GABRA5: variants seen among roughly 807,000 people sequenced by gnomAD.
GABRA5 encodes the protein gamma-aminobutyric acid type A receptor subunit alpha5.
Under a neutral mutation model 47.3 loss-of-function variants are expected in GABRA5, and 18 were observed. That is an observed-to-expected ratio of 0.38 (90% CI 0.26 to 0.56). The LOEUF (loss-of-function observed/expected upper bound fraction) is 0.56, where lower values mean the gene tolerates loss of function less well. GABRA5 is among the 20% of genes least tolerant of loss of function. The probability of loss-of-function intolerance (pLI) is 0.71; values close to 1 mark genes in which losing one functional copy is unlikely to be tolerated. For synonymous variants in GABRA5, 237 were observed against 229.3 expected (o/e 1.03, Z -0.30); for missense variants, 365 against 599.3 (o/e 0.61, Z 4.08).
At chr15:26,870,408 T>A (rs566576887) in intron 3 of GABRA5, among the ~76,000 whole-genome samples, 3 of 152,292 alleles carry the variant, frequency 2.0e-5, no homozygotes, top group African/African-American at 7.2e-5. Flanking sequence ...TTAGTCCACA[T>A]CCACCCCGGG....
intron 3 of GABRA5, among the ~76,000 whole-genome samples, chr15:26,879,712 G>A (rs1008907426): frequency 2.0e-5 from 3 of 152,058 alleles, no homozygotes; most frequent in African/African-American, 4.8e-5. Context: ...GGCCTGCATC[G>A]ATTCTGACCT....
chr15:26,882,584 GA>G (rs1300297228), intron 4 of GABRA5, among the ~76,000 whole-genome samples: 3 of 152,262 alleles, frequency 2.0e-5, no homozygotes, highest in Non-Finnish European at 4.4e-5. Context: ...AATTTTGTTT[GA>G]AATCACAGTC....
chr15:26,883,576 C>CGGGGGGGGGGGG lies in GABRA5; in HGVS notation c.497+22_497+23insGGGGGGGGGGGG. 6.1e-6 allele frequency: 3 copies of CGGGGGGGGGGGG among 495,468 alleles called. No individual in the cohort carries two copies. Among genetic ancestry groups the CGGGGGGGGGGGG allele is most frequent in the Non-Finnish European group, 7.5e-6 (2 of 266,040 alleles). 30.7% of individuals were successfully genotyped at this position (495,468 alleles called of 1,614,324 possible). ...CCATGCGGTGAGCGCCGGGCGGGGG[C>CGGGGGGGGGGGG]GGGCGGGGCCGGGGGACGGTGCGGG... On this transcript the variant is annotated intron_variant, in intron 6 of 10. Coordinates refer to ENST00000335625, the MANE Select transcript of GABRA5 (RefSeq NM_000810.4). The surrounding 1 kb of genome is among the most constrained non-coding windows in gnomAD (Gnocchi z 4.8).
intron 6 of GABRA5, among the ~76,000 whole-genome samples, chr15:26,899,450 G>A (rs1893274447): frequency 6.6e-6 from 1 of 152,098 alleles, no homozygotes; most frequent in Admixed American, 6.5e-5. Context: ...TGCCTGTTAA[G>A]TCCATTTGCT....
At chr15:26,921,473 T>C (rs1893841157) in intron 7 of GABRA5, among the ~76,000 whole-genome samples, 1 of 152,168 alleles carries the variant, frequency 6.6e-6, no homozygotes, top group African/African-American at 2.4e-5. Flanking sequence ...ATTTCTGACG[T>C]TGGTAATTTG....
chr15:26,893,496 G>A (rs1380330462), intron 6 of GABRA5, among the ~76,000 whole-genome samples: 4 of 16,816 alleles, frequency 2.4e-4, no homozygotes, highest in Non-Finnish European at 5.8e-4. Flanking sequence ...CACGGCCTGG[G>A]CCTGGACCTC....
intron 6 of GABRA5, among the ~76,000 whole-genome samples, chr15:26,894,676 T>C (rs1893135169): frequency 1.3e-5 from 2 of 152,136 alleles, no homozygotes; most frequent in Admixed American, 6.5e-5. Context: ...GTCCTGGCTC[T>C]AGGAATGATG....
chr15:26,877,732 T>C, intron 3 of GABRA5: 2 of 452,146 alleles, frequency 4.4e-6, no homozygotes, highest in Non-Finnish European at 8.9e-6. Flanking sequence ...ACTGAGAATA[T>C]GGCATAAGTG....
intron 6 of GABRA5, among the ~76,000 whole-genome samples, chr15:26,905,622 C>G (rs1307171539): frequency 6.6e-6 from 1 of 151,744 alleles, no homozygotes; most frequent in Admixed American, 6.6e-5. Flanking sequence ...TCATTTGATA[C>G]TGTTGATGGT....
chr15:26,924,587 C>T (rs927861509), intron 7 of GABRA5, among the ~76,000 whole-genome samples: 1 of 152,168 alleles, frequency 6.6e-6, no homozygotes, highest in African/African-American at 2.4e-5. Context: ...GAATCAACGT[C>T]CTGGCCCCCT....
At chr15:26,920,005 G>A (rs1177991913) in intron 7 of GABRA5, among the ~76,000 whole-genome samples, 1 of 151,616 alleles carries the variant, frequency 6.6e-6, no homozygotes, top group Non-Finnish European at 1.5e-5. Flanking sequence ...ATAACAACTG[G>A]CTTCTCTCTG....
Position 26,941,237 on chromosome 15 carries a change from A to G in GABRA5, c.877+1160A>G, listed in dbSNP as rs1894376742. Reference sequence around the variant, plus strand: ...CTCCCCAAGTTAATGTGCCTGATGAACTCTTTAGGGGAAATTTAGCTGGTA... The same window carrying G: ...CTCCCCAAGTTAATGTGCCTGATGAGCTCTTTAGGGGAAATTTAGCTGGTA... On this transcript the variant is annotated intron_variant, in intron 9 of 10. Transcript: ENST00000335625. Among the ~76,000 whole-genome samples the G allele has an allele frequency of 2.6e-5, 4 of 152,056 alleles. No individual in the cohort carries two copies. In the South Asian group the frequency reaches 8.3e-4, roughly 32 times the overall value.
At chr15:26,870,952 G>A (rs553734695) in intron 3 of GABRA5, among the ~76,000 whole-genome samples, 1 of 152,322 alleles carries the variant, frequency 6.6e-6, no homozygotes, top group South Asian at 2.1e-4. Context: ...AGCACTTTGG[G>A]AGGCCAAGCG....
intron 6 of GABRA5, among the ~76,000 whole-genome samples, chr15:26,884,055 G>A (rs1290101068): frequency 6.6e-6 from 1 of 151,866 alleles, no homozygotes; most frequent in African/African-American, 2.4e-5. Flanking sequence ...CAGGCGAGGA[G>A]GCATGCACCT....
At chr15:26,902,899 CAT>C (rs1392265948) in intron 6 of GABRA5, among the ~76,000 whole-genome samples, 1 of 152,048 alleles carries the variant, frequency 6.6e-6, no homozygotes, top group Admixed American at 6.6e-5. Flanking sequence ...TTAATATGAA[CAT>C]GTGATTTTTC....
At chr15:26,913,742 C>T (rs561984838) in intron 6 of GABRA5, among the ~76,000 whole-genome samples, 19 of 152,082 alleles carry the variant, frequency 1.2e-4, no homozygotes, top group African/African-American at 4.3e-4. Flanking sequence ...TAGAATCATC[C>T]GTAATTGGCA....
chr15:26,868,138 A>C (rs761836043), intron 1 of GABRA5: 2 of 151,878 alleles, frequency 1.3e-5, no homozygotes, highest in Non-Finnish European at 2.9e-5. Flanking sequence ...GTGGGAGCGC[A>C]GCCTCTCCTG....
chr15:26,878,372 C>T (rs1333936143), intron 3 of GABRA5, among the ~76,000 whole-genome samples: 1 of 152,172 alleles, frequency 6.6e-6, no homozygotes, highest in Non-Finnish European at 1.5e-5. Context: ...CAGCATTTGC[C>T]TTCTATGATA....
At chr15:26,897,857 C>T (rs1020518062) in intron 6 of GABRA5, among the ~76,000 whole-genome samples, 8 of 152,152 alleles carry the variant, frequency 5.3e-5, no homozygotes, top group African/African-American at 1.2e-4. Flanking sequence ...AACTGACCCA[C>T]GGAGGGGCTT....
Sources: gnomAD v4.1 joint callset for allele counts (sites outside exome capture counted in the v4.1 genomes callset) on GRCh38, gnomAD v4.1.1 for gene constraint, Gnocchi (gnomAD v3.1) non-coding constraint, MANE v1.5 for transcripts, NCBI Gene and HGNC (gene_info 2026-07-23, HGNC 2026-07-21) for gene names.